The following ZNF562 variants were observed in gnomAD, a reference collection of about 807,000 sequenced individuals.
ZNF562 encodes the protein zinc finger protein 562.
Under a neutral mutation model 17.5 loss-of-function variants are expected in ZNF562, and 13 were observed. The observed-to-expected ratio is 0.74, with a 90% CI of 0.48 to 1.18. ZNF562 has a LOEUF of 1.18. Ranked by LOEUF, ZNF562 falls within the 50% of genes most tolerant of loss-of-function variation. The pLI, the probability that ZNF562 is intolerant of heterozygous loss-of-function variation, is 0.00. For synonymous variants in ZNF562, 163 were observed against 165.4 expected, an observed-to-expected ratio of 0.99 and a Z score of 0.11; for missense variants, 481 against 498.5, an observed-to-expected ratio of 0.96 and a Z score of 0.33.
Position 9,643,748 on chromosome 19 carries a change from T to TGCCTCCTTTC in ZNF562, c.*9191_*9200dup, listed in dbSNP as rs1211970870. On this transcript the variant is annotated 3_prime_UTR_variant, in exon 6 of 6. Coordinates refer to ENST00000453372, the MANE Select transcript of ZNF562 (RefSeq NM_001130031.2). The stretch of plus-strand genomic sequence containing the variant: ...AACTCCTGAGCTCAAGTAATCCTTT[T>TGCCTCCTTTC]GCCTCCTTTCAAAGTGTTGAGACTC... The TGCCTCCTTTC allele has an allele frequency of 6.6e-6, 1 of 152,106 alleles. No individual in the cohort carries two copies. Among genetic ancestry groups the TGCCTCCTTTC allele is most frequent in the African/African-American group, 2.4e-5 (1 of 41,426 alleles). The allele number at this position is 152,106 out of a possible 1,614,324, so 9.4% of individuals were successfully genotyped here. A position where few individuals can be genotyped will look rare whatever the true frequency, so the allele number is the denominator to read the frequency against.
intron 1 of ZNF562, among the ~76,000 whole-genome samples, chr19:9,662,565 A>G (rs2145008114): frequency 6.6e-6 from 1 of 151,870 alleles, no homozygotes; most frequent in African/African-American, 2.4e-5. Context: ...CCATCTCAAA[A>G]AAAAAAAAAG....
At chr19:9,663,757 G>T (rs1348111504) in intron 1 of ZNF562, among the ~76,000 whole-genome samples, 1 of 151,420 alleles carries the variant, frequency 6.6e-6, no homozygotes, top group Non-Finnish European at 1.5e-5. Flanking sequence ...GCTCACTGCA[G>T]CCGCCGCCTC....
At chr19:9,658,419 G>A (rs982396277) in intron 3 of ZNF562, 16 of 842,610 alleles carry the variant, frequency 1.9e-5, no homozygotes, top group East Asian at 1.2e-4. Flanking sequence ...GCACGATCTC[G>A]GCTCACTGCA....
Position 9,647,669 on chromosome 19 carries a change from T to C in ZNF562, c.*5280A>G, listed in dbSNP as rs2074817800. On this transcript the variant is annotated 3_prime_UTR_variant, in exon 6 of 6. Coordinates refer to ENST00000453372, the MANE Select transcript of ZNF562 (RefSeq NM_001130031.2). ...GGAGTTTGAGACCAGCCTGGCCAAC[T>C]TGATGAAACCGTCTCTACTAAAAAT... 1 of 151,982 alleles carries C rather than the reference T, an allele frequency of 6.6e-6. No individual in the cohort carries two copies. The highest frequency in any genetic ancestry group is 2.1e-4 in the South Asian group (1 of 4,818). 9.4% of individuals were successfully genotyped at this position (151,982 alleles called of 1,614,324 possible).
At chr19:9,666,484 C>T (rs376771861) in intron 1 of ZNF562, among the ~76,000 whole-genome samples, 1 of 151,174 alleles carries the variant, frequency 6.6e-6, no homozygotes, top group Non-Finnish European at 1.5e-5. Flanking sequence ...CTAATGATAC[C>T]CCTTAAAATA....
At chr19:9,661,717 C>G (rs1200166688) in intron 1 of ZNF562, among the ~76,000 whole-genome samples, 1 of 152,040 alleles carries the variant, frequency 6.6e-6, no homozygotes, top group South Asian at 2.1e-4. Context: ...ATCGCTTGAC[C>G]CCGGGAGGTG....
chr19:9,673,924 G>C (rs1397545241), intron 1 of ZNF562, among the ~76,000 whole-genome samples: 1 of 151,868 alleles, frequency 6.6e-6, no homozygotes, highest in African/African-American at 2.4e-5. Flanking sequence ...GGTGAATCAT[G>C]TTATAAAGTT....
At chr19:9,667,297 C>G (rs1430987791) in intron 1 of ZNF562, among the ~76,000 whole-genome samples, 1 of 152,102 alleles carries the variant, frequency 6.6e-6, no homozygotes, top group Admixed American at 6.5e-5. Context: ...GCTGAAACAC[C>G]ATTTGATAAA....
chr19:9,653,947 C>G, intron 5 of ZNF562, 66 bp from the exon 6 acceptor site: 2 of 1,399,976 alleles, frequency 1.4e-6, no homozygotes, highest in Non-Finnish European at 1.9e-6. Context: ...CATCTGAACA[C>G]AGAAACATTA....
chr19:9,662,516 C>T (rs1290904457), intron 1 of ZNF562, among the ~76,000 whole-genome samples: 1 of 150,530 alleles, frequency 6.6e-6, no homozygotes, highest in African/African-American at 2.4e-5. Flanking sequence ...GAGCCGAGAT[C>T]ATGCCACTGC....
At chr19:9,671,131 G>C (rs1244866881) in intron 1 of ZNF562, among the ~76,000 whole-genome samples, 1 of 152,014 alleles carries the variant, frequency 6.6e-6, no homozygotes, top group Non-Finnish European at 1.5e-5. Flanking sequence ...ACAGCTAAGA[G>C]AATAACGATG....
chr19:9,655,061 G>A (rs75849541), intron 5 of ZNF562, among the ~76,000 whole-genome samples: 19,075 of 152,124 alleles, frequency 0.13, 1,430 homozygotes, highest in Admixed American at 0.23. Flanking sequence ...CACAATCACA[G>A]CTCACTGCAG....
chr19:9,671,078 G>A (rs1161441472), intron 1 of ZNF562, among the ~76,000 whole-genome samples: 1 of 151,644 alleles, frequency 6.6e-6, no homozygotes, highest in African/African-American at 2.4e-5. Context: ...CAATAGATCA[G>A]TAGGGTGACT....
chr19:9,669,732 G>GCACACA (rs1276865026), intron 1 of ZNF562, among the ~76,000 whole-genome samples: 1,694 of 76,706 alleles, frequency 0.022, 31 homozygotes, highest in African/African-American at 0.051. Context: ...GCGCGCGCGC[G>GCACACA]CGCACACACA....
At chr19:9,664,366 CTTAAAGT>C (rs201490874) in intron 1 of ZNF562, among the ~76,000 whole-genome samples, 50 of 152,282 alleles carry the variant, frequency 3.3e-4, no homozygotes, top group Middle Eastern at 3.4e-3. Context: ...TTTAACGTTC[CTTAAAGT>C]TTAATTTTCC....
chr19:9,674,204 T>C (rs1304990652), intron 1 of ZNF562, among the ~76,000 whole-genome samples: 1 of 151,920 alleles, frequency 6.6e-6, no homozygotes, highest in Non-Finnish European at 1.5e-5. Context: ...GGGAAAATGG[T>C]TATAACAGAG....
At chr19:9,667,207 T>C (rs1054733410) in intron 1 of ZNF562, among the ~76,000 whole-genome samples, 4 of 152,096 alleles carry the variant, frequency 2.6e-5, no homozygotes, top group African/African-American at 9.7e-5. Flanking sequence ...ACAAGGATGG[T>C]TCAACATATG....
intron 1 of ZNF562, among the ~76,000 whole-genome samples, chr19:9,662,389 C>T (rs564989882): frequency 6.6e-6 from 1 of 151,474 alleles, no homozygotes; most frequent in Non-Finnish European, 1.5e-5. Context: ...GCCTGGCCAT[C>T]ATGGCAAAAC....
rs140856734 is a variant in ZNF562, at chr19:9,659,564, G to A, written c.26-97C>T. 246 of 1,426,306 alleles carry A rather than the reference G, an allele frequency of 1.7e-4. No homozygotes were observed. In the African/African-American group the frequency reaches 3.0e-3, roughly 17 times the overall value. 88.4% of individuals were successfully genotyped at this position (1,426,306 alleles called of 1,614,324 possible). ...TAGCTTGAAATTCCCATATGCTCCTGCACACTCGAAAAAACTACACACACA... is the reference window on the plus strand; with the variant it reads ...TAGCTTGAAATTCCCATATGCTCCTACACACTCGAAAAAACTACACACACA... On this transcript the variant is annotated intron_variant, in intron 2 of 5. Coordinates refer to ENST00000453372, the MANE Select transcript of ZNF562 (RefSeq NM_001130031.2).
Sources: allele counts gnomAD v4.1 joint callset (sites outside exome capture counted in the v4.1 genomes callset), GRCh38; gene constraint gnomAD v4.1.1; transcripts MANE v1.5; gene names NCBI Gene and HGNC (gene_info 2026-07-23, HGNC 2026-07-21).